The following ASTN2 variants were observed in gnomAD, a reference collection of about 807,000 sequenced individuals.
The protein encoded by ASTN2 is astrotactin 2.
A neutral mutation model predicts 139.8 loss-of-function variants in ASTN2; 54 were observed. The ratio of observed to expected loss-of-function variants is 0.39; its 90% CI spans 0.31 to 0.48. The LOEUF is 0.48. Ranked by LOEUF, ASTN2 falls within the 20% of genes least tolerant of loss-of-function variation. The pLI is 0.95. For missense variants in ASTN2, 1,565 were observed against 1,725.1 expected (o/e 0.91, Z 1.64); for synonymous variants, 756 against 719.5 (o/e 1.05, Z -0.81).
intron 19 of ASTN2, among the ~76,000 whole-genome samples, chr9:116,601,237 T>A (rs1854882070): frequency 6.6e-6 from 1 of 152,106 alleles, no homozygotes; most frequent in African/African-American, 2.4e-5. Context: ...AGAGAAGAAG[T>A]AGGTAAGTGC....
In ASTN2 at chr9:116,714,542, T is replaced by C. The variant is rs1828261464; in HGVS notation, c.2806+11229A>G. 3.9e-5 allele frequency among the ~76,000 whole-genome samples: 6 copies of C among 152,170 alleles called. No homozygotes were observed. In the South Asian group the frequency reaches 1.2e-3, roughly 31 times the overall value. On this transcript the variant is annotated intron_variant, in intron 16 of 22. Coordinates refer to ENST00000313400, the MANE Select transcript of ASTN2 (RefSeq NM_001365068.1). ...CAAACATCAATTCATTTAAATCTCA[T>C]AACAATACTGCAAGATAAGCATAAT...
chr9:116,628,902 C>T (rs1178402011), intron 17 of ASTN2, among the ~76,000 whole-genome samples: 2 of 152,164 alleles, frequency 1.3e-5, no homozygotes, highest in Admixed American at 6.5e-5. Context: ...TATTTGACTT[C>T]CTGCCAGCTG....
intron 3 of ASTN2, among the ~76,000 whole-genome samples, chr9:117,158,304 T>C (rs1019207304): frequency 3.3e-5 from 5 of 152,012 alleles, no homozygotes; most frequent in African/African-American, 1.2e-4. Context: ...AGAAAAGATA[T>C]GTTTAGGGGT....
intron 7 of ASTN2, among the ~76,000 whole-genome samples, chr9:116,991,425 T>C (rs73655570): frequency 0.059 from 8,791 of 149,670 alleles, 403 homozygotes; most frequent in African/African-American, 0.13. Context: ...ATTAAGTCTT[T>C]TGTGTGTTAA....
chr9:116,910,418 C>A (rs1834279386), intron 10 of ASTN2, among the ~76,000 whole-genome samples: 1 of 152,158 alleles, frequency 6.6e-6, no homozygotes, highest in African/African-American at 2.4e-5. Flanking sequence ...GCCAGTAGCA[C>A]CTCCCAAATC....
At chr9:117,001,498 C>A (rs1376692145) in intron 7 of ASTN2, among the ~76,000 whole-genome samples, 2 of 152,106 alleles carry the variant, frequency 1.3e-5, no homozygotes, top group Admixed American at 1.3e-4. Flanking sequence ...TTTTAATGAC[C>A]TCTCTTCATA....
intron 10 of ASTN2, among the ~76,000 whole-genome samples, chr9:116,873,613 A>T (rs1833220257): frequency 6.6e-6 from 1 of 152,124 alleles, no homozygotes; most frequent in African/African-American, 2.4e-5. Context: ...TGCCTATGGG[A>T]TTGTGCTATT....
intron 7 of ASTN2, among the ~76,000 whole-genome samples, chr9:116,997,555 C>T (rs1204989999): frequency 6.6e-6 from 1 of 152,010 alleles, no homozygotes; most frequent in Non-Finnish European, 1.5e-5. Context: ...TATACAAATA[C>T]CTATCAAAGG....
chr9:116,870,150 T>A (rs1428354178), intron 10 of ASTN2, among the ~76,000 whole-genome samples: 1 of 152,006 alleles, frequency 6.6e-6, no homozygotes, highest in African/African-American at 2.4e-5. Context: ...AAATAAAAAA[T>A]ACTGTATTTA....
intron 1 of ASTN2, among the ~76,000 whole-genome samples, chr9:117,352,821 C>T (rs960435449): frequency 3.9e-5 from 6 of 152,072 alleles, no homozygotes; most frequent in African/African-American, 1.4e-4. Context: ...CAATGGAATA[C>T]CATTTAGCCA....
At chr9:116,735,162 G>C (rs965781059) in intron 13 of ASTN2, among the ~76,000 whole-genome samples, 2 of 152,214 alleles carry the variant, frequency 1.3e-5, no homozygotes, top group Non-Finnish European at 2.9e-5. Context: ...GCACGTGCAT[G>C]ATGGTGAGTT....
intron 16 of ASTN2, among the ~76,000 whole-genome samples, chr9:116,663,599 C>T (rs570638190): frequency 2.1e-3 from 321 of 152,292 alleles, no homozygotes; most frequent in Non-Finnish European, 3.9e-3. Flanking sequence ...TGCGGTGTAA[C>T]TCTGCTGCTA....
At chr9:117,378,781 A>G (rs759435277) in intron 1 of ASTN2, among the ~76,000 whole-genome samples, 1 of 152,266 alleles carries the variant, frequency 6.6e-6, no homozygotes, top group South Asian at 2.1e-4. Flanking sequence ...TGTCTTAGAT[A>G]TGTTTTAGAT....
intron 10 of ASTN2, among the ~76,000 whole-genome samples, chr9:116,891,087 T>C (rs1181793514): frequency 6.6e-6 from 1 of 152,214 alleles, no homozygotes; most frequent in East Asian, 1.9e-4. Context: ...ATGTATCTAA[T>C]GTATTCATTG....
chr9:116,863,254 G>A (rs1359281942), intron 11 of ASTN2, among the ~76,000 whole-genome samples: 1 of 152,164 alleles, frequency 6.6e-6, no homozygotes. Flanking sequence ...GCCTACTATT[G>A]TATTCACAGA....
At chr9:116,850,477 G>A (rs543624899) in intron 11 of ASTN2, among the ~76,000 whole-genome samples, 1 of 152,150 alleles carries the variant, frequency 6.6e-6, no homozygotes, top group Non-Finnish European at 1.5e-5. Context: ...GGTTACTGGA[G>A]TCCTTATTTT....
At chr9:116,495,984 T>C (rs1849657177) in intron 19 of ASTN2, among the ~76,000 whole-genome samples, 2 of 152,168 alleles carry the variant, frequency 1.3e-5, no homozygotes, top group African/African-American at 4.8e-5. Flanking sequence ...CTTTTGCACC[T>C]GTGGTTTCCA....
chr9:117,339,845 T>C (rs558545456), intron 1 of ASTN2, among the ~76,000 whole-genome samples: 18 of 148,326 alleles, frequency 1.2e-4, no homozygotes, highest in Middle Eastern at 3.6e-3. Flanking sequence ...GACCACATGC[T>C]AATCAAATAT....
intron 19 of ASTN2, among the ~76,000 whole-genome samples, chr9:116,504,838 G>A (rs1456703172): frequency 6.9e-6 from 1 of 144,692 alleles, no homozygotes; most frequent in Non-Finnish European, 1.5e-5. Context: ...CAAGGCTGCA[G>A]TGAGCCAAGA....
Sources: gnomAD v4.1 joint callset for allele counts (sites outside exome capture counted in the v4.1 genomes callset) on GRCh38, gnomAD v4.1.1 for gene constraint, MANE v1.5 for transcripts, NCBI Gene and HGNC (gene_info 2026-07-23, HGNC 2026-07-21) for gene names.